The following DHDDS variants were observed in gnomAD, a reference collection of about 807,000 sequenced individuals.
The protein encoded by DHDDS is dehydrodolichyl diphosphate synthase complex subunit DHDDS.
DHDDS carries 16 observed loss-of-function variants against 46.2 expected under a neutral mutation model. The observed-to-expected ratio is 0.35, with a 90% CI of 0.23 to 0.53. The LOEUF is 0.53. Among genes scored for constraint, DHDDS ranks in the 20% least tolerant of loss-of-function variants. The pLI, the probability that DHDDS is intolerant of heterozygous loss-of-function variation, is 0.94. For missense variants in DHDDS, 340 were observed against 423.7 expected (o/e 0.80, Z 1.73); for synonymous variants, 151 against 163.1 (o/e 0.93, Z 0.56).
At chr1:26,455,152 C>T in intron 6 of DHDDS, 1 of 773,430 alleles carries the variant, frequency 1.3e-6, no homozygotes. Flanking sequence ...TGCATGATAT[C>T]ATGAGGTTCT....
Position 26,457,813 on chromosome 1 carries a change from G to A in DHDDS, c.565G>A (p.Asp189Asn), listed in dbSNP as rs748833924. The part of the protein sequence containing the change: ...DPSDISESLL[D>N]KCLYTNRSPH... ...TAGTGATATCTCTGAGTCTCTGCTT[G>A]ATAAGTGCCTCTATACCAACCGCTC... is the stretch of plus-strand genomic sequence containing the variant. Residue 189 changes from aspartate (D) to asparagine (N), a missense_variant, in exon 7 of 9, where the codon GAT becomes AAT. Physicochemically the swap from Asp to Asn is conservative, Grantham distance 23 (BLOSUM62 1). Transcript: ENST00000236342. The A allele has an allele frequency of 7.9e-5, 128 of 1,613,626 alleles. No homozygotes were observed. Among genetic ancestry groups the A allele is most frequent in the Admixed American group, 1.3e-4 (8 of 59,964 alleles).
At chr1:26,434,611 G>C (rs922162200) in intron 2 of DHDDS, among the ~76,000 whole-genome samples, 1 of 152,146 alleles carries the variant, frequency 6.6e-6, no homozygotes, top group Non-Finnish European at 1.5e-5. Context: ...TGTGTTATGG[G>C]AGACAACTCA....
chr1:26,443,196 C>T (rs2124407295), intron 4 of DHDDS: 1 of 331,016 alleles, frequency 3.0e-6, no homozygotes, highest in Non-Finnish European at 5.8e-6. Flanking sequence ...ATTTCCACCT[C>T]TCTCTGCAGA....
At chr1:26,458,784 A>G (rs963358345) in intron 7 of DHDDS, among the ~76,000 whole-genome samples, 1 of 151,056 alleles carries the variant, frequency 6.6e-6, no homozygotes, top group African/African-American at 2.4e-5. Context: ...ATGTGCACCT[A>G]TTGGTTCTGT....
chr1:26,468,811 G>GGCCCCCCCCCCAC, intron 8 of DHDDS, 84 bp from the exon 9 acceptor site: 3 of 637,986 alleles, frequency 4.7e-6, no homozygotes, highest in Non-Finnish European at 2.6e-6. Flanking sequence ...CCCACCCTGT[G>GGCCCCCCCCCCAC]CCCCACCCCC....
At chr1:26,456,997 C>T (rs899741369) in intron 6 of DHDDS, among the ~76,000 whole-genome samples, 1 of 152,086 alleles carries the variant, frequency 6.6e-6, no homozygotes, top group African/African-American at 2.4e-5. Flanking sequence ...TCATCAAATA[C>T]TGGGCCATAG....
intron 2 of DHDDS, among the ~76,000 whole-genome samples, chr1:26,437,809 A>AG (rs1292228362): frequency 6.6e-6 from 1 of 151,496 alleles, no homozygotes; most frequent in East Asian, 1.9e-4. Context: ...AAAAAAAAAA[A>AG]GAAAAGAAAA....
chr1:26,468,378 A>G (rs1391063969), intron 8 of DHDDS, among the ~76,000 whole-genome samples: 1 of 152,208 alleles, frequency 6.6e-6, no homozygotes, highest in Admixed American at 6.5e-5. Context: ...CATGTCCCCG[A>G]CAAGAATAGG....
chr1:26,443,921 T>C (rs576198951), intron 4 of DHDDS, among the ~76,000 whole-genome samples: 27 of 152,322 alleles, frequency 1.8e-4, no homozygotes, highest in African/African-American at 3.1e-4. Context: ...CATTATACCA[T>C]GACAAAGATA....
intron 6 of DHDDS, chr1:26,455,115 AAACACGAAG>A (rs1345784429): frequency 5.1e-6 from 4 of 790,400 alleles, no homozygotes; most frequent in Non-Finnish European, 9.3e-6. Flanking sequence ...TTCTTAAAGT[AAACACGAAG>A]ATTGGAACCT....
chr1:26,446,268 C>T (rs868561303), intron 4 of DHDDS, 48 bp from the exon 5 acceptor site: 3 of 1,581,816 alleles, frequency 1.9e-6, no homozygotes, highest in African/African-American at 2.7e-5. Flanking sequence ...TTGCTCTCTC[C>T]AGCTCAGCAG....
At chr1:26,458,339 C>T (rs2075390158) in intron 7 of DHDDS, among the ~76,000 whole-genome samples, 1 of 152,176 alleles carries the variant, frequency 6.6e-6, no homozygotes, top group Non-Finnish European at 1.5e-5. Context: ...TTAACTTGGT[C>T]CCTGGAGAGC....
chr1:26,436,157 G>A (rs1174823648), intron 2 of DHDDS, among the ~76,000 whole-genome samples: 1 of 151,916 alleles, frequency 6.6e-6, no homozygotes, highest in African/African-American at 2.4e-5. Flanking sequence ...CAGCACTTTG[G>A]GAGGCCAAAT....
At chr1:26,444,479 C>T (rs187684144) in intron 4 of DHDDS, among the ~76,000 whole-genome samples, 6 of 152,296 alleles carry the variant, frequency 3.9e-5, no homozygotes, top group African/African-American at 1.4e-4. Context: ...TGGCTCATGC[C>T]TGTAATCTCA....
In DHDDS at chr1:26,470,483, C is replaced by T. The variant is rs2075543299; in HGVS notation, c.*1352C>T. 1 of 152,138 alleles carries T rather than the reference C, an allele frequency of 6.6e-6. No homozygotes were observed. Among genetic ancestry groups the T allele is most frequent in the Non-Finnish European group, 1.5e-5 (1 of 68,040 alleles). The allele number at this position is 152,138 out of a possible 1,614,324, so 9.4% of individuals were successfully genotyped here. A position where few individuals can be genotyped will look rare whatever the true frequency, so the allele number is the denominator to read the frequency against. On this transcript the variant is annotated 3_prime_UTR_variant, in exon 9 of 9. Transcript: ENST00000236342. Reference sequence around the variant, plus strand: ...TTTCTGCAAGCTGTTTCCCTAGCAGCTCCCTCTAGGGGAGAGGTGAAATCT... The same window carrying T: ...TTTCTGCAAGCTGTTTCCCTAGCAGTTCCCTCTAGGGGAGAGGTGAAATCT...
intron 4 of DHDDS, among the ~76,000 whole-genome samples, chr1:26,444,091 A>G (rs2075244314): frequency 6.6e-6 from 1 of 152,234 alleles, no homozygotes; most frequent in Non-Finnish European, 1.5e-5. Context: ...GCTCTGAGAG[A>G]CAGACCATAT....
chr1:26,445,884 C>T (rs1457350320), intron 4 of DHDDS, among the ~76,000 whole-genome samples: 2 of 149,998 alleles, frequency 1.3e-5, no homozygotes, highest in East Asian at 2.0e-4. Context: ...TTAGCCAGGC[C>T]TGGTGGTGGG....
At chr1:26,438,109 TCTTC>T (rs1037526479) in intron 2 of DHDDS, 55 bp from the exon 3 acceptor site, 112 of 1,570,306 alleles carry the variant, frequency 7.1e-5, no homozygotes, top group Admixed American at 3.7e-4. Flanking sequence ...GGGTGTAGTG[TCTTC>T]CTTTATCCCT....
chr1:26,447,802 G>C (rs932486700), intron 6 of DHDDS, 142 bp downstream of exon 6: 1 of 726,764 alleles, frequency 1.4e-6, no homozygotes, highest in Non-Finnish European at 2.5e-6. Flanking sequence ...AGACCAGCCT[G>C]GCCAACATGG....
Sources: allele counts gnomAD v4.1 joint callset (sites outside exome capture counted in the v4.1 genomes callset), GRCh38; gene constraint gnomAD v4.1.1; transcripts MANE v1.5; gene names NCBI Gene and HGNC (gene_info 2026-07-23, HGNC 2026-07-21).